The following CLCN3 variants were observed in gnomAD, a reference collection of about 807,000 sequenced individuals.
CLCN3 encodes Cl-/H+ antiporter 3.
A neutral mutation model predicts 83.4 loss-of-function variants in CLCN3; 16 were observed. The observed-to-expected ratio is 0.19, with a 90% CI of 0.13 to 0.29. CLCN3 has a LOEUF of 0.29. Among genes scored for constraint, CLCN3 ranks in the 10% least tolerant of loss-of-function variants. CLCN3 has a pLI of 1.00. For missense variants in CLCN3, 544 were observed against 1,006.0 expected (o/e 0.54, Z 6.21); for synonymous variants, 322 against 346.2 (o/e 0.93, Z 0.78).
chr4:169,712,192 T>C (rs1733247819), intron 11 of CLCN3, among the ~76,000 whole-genome samples: 1 of 152,110 alleles, frequency 6.6e-6, no homozygotes, highest in Non-Finnish European at 1.5e-5. Context: ...AAATATCATA[T>C]CTGTATATAC....
rs189574410 is a variant in CLCN3, at chr4:169,719,395, C to T, written c.2367-512C>T. On this transcript the variant is annotated intron_variant, in intron 12 of 12. Transcript: ENST00000513761. Reference sequence around the variant, plus strand: ...TTGCTTGAACCGGGGACCCAGGAGGCGGAGGTTGCAGTGAGCTGAGATCGC... The same window carrying T: ...TTGCTTGAACCGGGGACCCAGGAGGTGGAGGTTGCAGTGAGCTGAGATCGC... 1.8e-4 allele frequency among the ~76,000 whole-genome samples: 27 copies of T among 152,234 alleles called. 1 individual carries two copies. The East Asian group carries it at 3.5e-3, about 20-fold the overall frequency.
chr4:169,653,310 G>T (rs1474727981), intron 2 of CLCN3, among the ~76,000 whole-genome samples: 1 of 151,844 alleles, frequency 6.6e-6, no homozygotes, highest in East Asian at 1.9e-4. Flanking sequence ...GTTTTGCATT[G>T]CTGTAAAGGA....
intron 3 of CLCN3, among the ~76,000 whole-genome samples, chr4:169,680,986 C>T (rs1239640324): frequency 6.6e-6 from 1 of 152,004 alleles, no homozygotes; most frequent in Non-Finnish European, 1.5e-5. Context: ...GTAGCTGAGA[C>T]TACAAACGTA....
At chr4:169,639,791 G>A (rs902829973) in intron 2 of CLCN3, among the ~76,000 whole-genome samples, 1 of 152,104 alleles carries the variant, frequency 6.6e-6, no homozygotes, top group African/African-American at 2.4e-5. Flanking sequence ...GTAATTCTTC[G>A]TGACTCCATA....
intron 2 of CLCN3, chr4:169,660,179 A>G: frequency 8.6e-7 from 1 of 1,157,020 alleles, no homozygotes; most frequent in Non-Finnish European, 1.1e-6. Context: ...AGGCTGCAAT[A>G]ATTTCCCTTT....
chr4:169,636,222 C>A, intron 2 of CLCN3, 134 bp downstream of exon 2: 1 of 771,614 alleles, frequency 1.3e-6, no homozygotes, highest in Non-Finnish European at 2.0e-6. Flanking sequence ...TAAACTTAAC[C>A]ATTGTAAAGT....
chr4:169,662,767 A>G (rs1454620073), intron 2 of CLCN3: 1 of 152,240 alleles, frequency 6.6e-6, no homozygotes, highest in Non-Finnish European at 1.5e-5. Flanking sequence ...GTCTGGAAGT[A>G]TAAGTAGATT....
chr4:169,662,461 G>C (rs1731091027), intron 2 of CLCN3, among the ~76,000 whole-genome samples: 1 of 152,028 alleles, frequency 6.6e-6, no homozygotes, highest in African/African-American at 2.4e-5. Flanking sequence ...TGTAGCCATG[G>C]GTCAACACAA....
At chr4:169,641,829 C>CT (rs1472593864) in intron 2 of CLCN3, among the ~76,000 whole-genome samples, 9 of 152,122 alleles carry the variant, frequency 5.9e-5, no homozygotes, top group African/African-American at 2.2e-4. Context: ...CTAGCTGTCT[C>CT]TAAGAGGCGG....
chr4:169,720,387 A>G lies in CLCN3; in HGVS notation c.*390A>G, dbSNP rs557404445. ...TTGCAAAGACACATTATCAGTCCCT[A>G]TTTCTAGAGGGATTACTTTGAATTG... On this transcript the variant is annotated 3_prime_UTR_variant, in exon 13 of 13. Transcript: ENST00000513761. 2.2e-4 allele frequency: 46 copies of G among 211,612 alleles called. No individual in the cohort carries two copies. In the East Asian group the frequency reaches 4.6e-3, roughly 21 times the overall value. The allele number at this position is 211,612 out of a possible 1,614,324, so 13.1% of individuals were successfully genotyped here. A position where few individuals can be genotyped will look rare whatever the true frequency, so the allele number is the denominator to read the frequency against.
At chr4:169,714,898 T>C (rs759841043) in intron 12 of CLCN3, among the ~76,000 whole-genome samples, 3 of 152,124 alleles carry the variant, frequency 2.0e-5, no homozygotes, top group Non-Finnish European at 4.4e-5. Flanking sequence ...TAATATTGTT[T>C]GATTAAATGA....
intron 2 of CLCN3, among the ~76,000 whole-genome samples, chr4:169,639,944 C>G (rs970722289): frequency 1.3e-5 from 2 of 152,182 alleles, no homozygotes; most frequent in African/African-American, 4.8e-5. Context: ...CACTTATTCT[C>G]TCTCTAACTT....
chr4:169,679,328 G>T (rs1333355667), intron 2 of CLCN3, among the ~76,000 whole-genome samples: 1 of 151,750 alleles, frequency 6.6e-6, no homozygotes, highest in African/African-American at 2.4e-5. Flanking sequence ...CTTCCTAGAC[G>T]GGATGGCGGC....
intron 2 of CLCN3, among the ~76,000 whole-genome samples, chr4:169,651,895 A>G (rs1428666806): frequency 6.6e-6 from 1 of 152,168 alleles, no homozygotes; most frequent in Non-Finnish European, 1.5e-5. Flanking sequence ...GTCAGTTTAG[A>G]TGCTTATGAA....
chr4:169,701,234 T>C (rs780744127), intron 9 of CLCN3, among the ~76,000 whole-genome samples: 4 of 152,256 alleles, frequency 2.6e-5, no homozygotes, highest in Non-Finnish European at 5.9e-5. Context: ...AACCACTTTC[T>C]TTGCTCATCC....
At chr4:169,682,333 TA>T (rs1299280590) in intron 3 of CLCN3, among the ~76,000 whole-genome samples, 4 of 152,218 alleles carry the variant, frequency 2.6e-5, no homozygotes, top group Non-Finnish European at 5.9e-5. Context: ...ACAAGTTTCC[TA>T]AAATTCTGAT....
At chr4:169,650,239 A>G (rs1456803923) in intron 2 of CLCN3, among the ~76,000 whole-genome samples, 1 of 152,220 alleles carries the variant, frequency 6.6e-6, no homozygotes, top group Non-Finnish European at 1.5e-5. Context: ...ACAATCCAAG[A>G]AAGGTGTTTT....
intron 2 of CLCN3, among the ~76,000 whole-genome samples, chr4:169,641,655 G>A (rs1434824552): frequency 2.0e-5 from 3 of 152,144 alleles, no homozygotes; most frequent in Non-Finnish European, 2.9e-5. Context: ...TACACAAGAC[G>A]TTTCAAAAGA....
At chr4:169,629,158 C>T (rs985881011) in intron 1 of CLCN3, among the ~76,000 whole-genome samples, 2 of 152,142 alleles carry the variant, frequency 1.3e-5, no homozygotes, top group African/African-American at 4.8e-5. Context: ...ATGAGAGATA[C>T]CTGTGGTGAT....
Sources: allele counts gnomAD v4.1 joint callset (sites outside exome capture counted in the v4.1 genomes callset), GRCh38; gene constraint gnomAD v4.1.1; transcripts MANE v1.5; gene names NCBI Gene and HGNC (gene_info 2026-07-23, HGNC 2026-07-21).